RTN1: variants seen among roughly 807,000 people sequenced by gnomAD.
The protein encoded by RTN1 is reticulon-1.
In RTN1, 25 loss-of-function variants were observed where a neutral mutation model predicts 65.5. The ratio of observed to expected loss-of-function variants is 0.38; its 90% confidence interval spans 0.28 to 0.53. The LOEUF is 0.53. Among genes scored for constraint, RTN1 ranks in the 20% least tolerant of loss-of-function variants. The probability of loss-of-function intolerance (pLI) is 0.79; values close to 1 mark genes in which losing one functional copy is unlikely to be tolerated. For missense variants in RTN1, 983 were observed against 1,025.4 expected (o/e 0.96, Z 0.57); for synonymous variants, 471 against 447.6 (o/e 1.05, Z -0.66).
At chr14:59,745,528 A>G (rs1051553933) in intron 2 of RTN1, among the ~76,000 whole-genome samples, 180 bp downstream of exon 2, 1 of 152,224 alleles carries the variant, frequency 6.6e-6, no homozygotes, top group African/African-American at 2.4e-5. Flanking sequence ...CAACCTTTGT[A>G]CAATCAGCAA....
Position 59,683,686 on chromosome 14 carries a change from T to C in RTN1, c.1765+43233A>G, listed in dbSNP as rs77576421. ...TAGAGTATTTAGTATTCTATCTCCA[T>C]AGTAGGTCCCTTGAAGGGCTTCTTT... is the stretch of plus-strand genomic sequence containing the variant. On this transcript the variant is annotated intron_variant, in intron 3 of 8. Coordinates refer to ENST00000267484, the MANE Select transcript of RTN1 (RefSeq NM_021136.3). Among the ~76,000 whole-genome samples the C allele has an allele frequency of 3.2e-3, 481 of 152,262 alleles. 3 individuals are homozygous for C. Among genetic ancestry groups the C allele is most frequent in the African/African-American group, 0.011 (465 of 41,582 alleles).
At chr14:59,692,938 T>C (rs1328003818) in intron 3 of RTN1, among the ~76,000 whole-genome samples, 3 of 152,218 alleles carry the variant, frequency 2.0e-5, no homozygotes, top group Non-Finnish European at 4.4e-5. Flanking sequence ...AATTAGGTAT[T>C]TGCTACCAGC....
intron 1 of RTN1, among the ~76,000 whole-genome samples, chr14:59,784,694 T>C (rs1019871550): frequency 6.6e-6 from 1 of 152,220 alleles, no homozygotes; most frequent in African/African-American, 2.4e-5. Flanking sequence ...TTTTGTGAAA[T>C]ATGTTTTCTC....
intron 1 of RTN1, among the ~76,000 whole-genome samples, chr14:59,819,411 ACC>A (rs1886887852): frequency 8.6e-4 from 11 of 12,722 alleles, no homozygotes; most frequent in Admixed American, 1.4e-3. Flanking sequence ...CCACACCACC[ACC>A]ACCCCCCCCC....
chr14:59,795,023 C>T (rs1886414762), intron 1 of RTN1, among the ~76,000 whole-genome samples: 1 of 152,156 alleles, frequency 6.6e-6, no homozygotes, highest in African/African-American at 2.4e-5. Context: ...AAGTCATTTC[C>T]ATGTGTTCTT....
intron 3 of RTN1, among the ~76,000 whole-genome samples, chr14:59,660,270 G>A (rs1238287580): frequency 6.6e-6 from 1 of 152,156 alleles, no homozygotes; most frequent in African/African-American, 2.4e-5. Flanking sequence ...AAGAGACTTA[G>A]ACTCCCACAC....
intron 3 of RTN1, among the ~76,000 whole-genome samples, chr14:59,715,796 A>G (rs921005483): frequency 2.4e-4 from 37 of 151,410 alleles, no homozygotes; most frequent in African/African-American, 9.0e-4. Context: ...ACTGCACTCC[A>G]GCCTGGGCAA....
intron 1 of RTN1, among the ~76,000 whole-genome samples, chr14:59,806,910 T>C (rs1234329744): frequency 1.3e-5 from 2 of 152,190 alleles, no homozygotes; most frequent in African/African-American, 4.8e-5. Flanking sequence ...CTATTGCAAA[T>C]AGTAAAACAA....
chr14:59,861,254 T>A (rs1191412822), intron 1 of RTN1, among the ~76,000 whole-genome samples: 1 of 152,102 alleles, frequency 6.6e-6, no homozygotes, highest in Non-Finnish European at 1.5e-5. Flanking sequence ...AGTGAATAAG[T>A]CTCACAAGAT....
rs528130619 is a variant in RTN1 at position 59,603,678 on chromosome 14, T to C, written c.2182+174A>G. The C allele has an allele frequency of 5.6e-5, 23 of 410,584 alleles. No homozygotes were observed. In the South Asian group the frequency reaches 6.5e-4, roughly 12 times the overall value. 25.4% of individuals were successfully genotyped at this position (410,584 alleles called of 1,614,324 possible). ...TTAGGAATTCATTATTAGTGTATAA[T>C]ATATATTATACTCTTTAATTGAACT... On this transcript the variant is annotated intron_variant, in intron 6 of 8. Transcript: ENST00000267484.
rs76988931 is a variant in RTN1 at position 59,787,271 on chromosome 14, G to T, written c.242-40790C>A. On this transcript the variant is annotated intron_variant, in intron 1 of 8. Coordinates refer to ENST00000267484, the MANE Select transcript of RTN1 (RefSeq NM_021136.3). ...CAGCTGTCAAAAGCCCTCCTGCTGC[G>T]GTGGGGGCTCACTAGGGCTTGAATC... 6.4e-4 allele frequency among the ~76,000 whole-genome samples: 98 copies of T among 152,242 alleles called. No individual in the cohort carries two copies. The East Asian group carries it at 0.017, about 26-fold the overall frequency.
intron 1 of RTN1, among the ~76,000 whole-genome samples, chr14:59,841,581 C>T (rs2139652438): frequency 6.6e-6 from 1 of 151,958 alleles, no homozygotes; most frequent in South Asian, 2.1e-4. Context: ...GTGGCATAAG[C>T]CTGTAATCCC....
intron 3 of RTN1, among the ~76,000 whole-genome samples, chr14:59,649,942 T>C (rs7150293): frequency 0.44 from 67,409 of 152,072 alleles, 16,406 homozygotes; most frequent in African/African-American, 0.64. Context: ...CATAAAGACA[T>C]ATGCACATGT....
At chr14:59,867,532 T>C (rs896671968) in intron 1 of RTN1, among the ~76,000 whole-genome samples, 4 of 152,220 alleles carry the variant, frequency 2.6e-5, no homozygotes, top group African/African-American at 9.6e-5. Context: ...AGAGGATTGA[T>C]GGAGTTTTAT....
chr14:59,852,908 T>C (rs1887534502), intron 1 of RTN1, among the ~76,000 whole-genome samples: 1 of 152,252 alleles, frequency 6.6e-6, no homozygotes, highest in African/African-American at 2.4e-5. Context: ...ATATTCTTAG[T>C]ATGTATTTGT....
intron 3 of RTN1, among the ~76,000 whole-genome samples, chr14:59,662,767 G>A (rs978244695): frequency 6.6e-6 from 1 of 152,106 alleles, no homozygotes; most frequent in African/African-American, 2.4e-5. Context: ...AAATAAGAGA[G>A]GACACATACA....
At chr14:59,841,205 T>C (rs1052390997) in intron 1 of RTN1, among the ~76,000 whole-genome samples, 10 of 151,930 alleles carry the variant, frequency 6.6e-5, no homozygotes, top group African/African-American at 2.4e-4. Context: ...AAAAAGACAA[T>C]AGATGAAGTA....
chr14:59,726,039 A>T (rs1160370352), intron 3 of RTN1, among the ~76,000 whole-genome samples: 1 of 152,200 alleles, frequency 6.6e-6, no homozygotes, highest in African/African-American at 2.4e-5. Context: ...ACAGGGTAGA[A>T]GTTCTCTAAC....
chr14:59,637,512 G>C (rs1295736314), intron 3 of RTN1, among the ~76,000 whole-genome samples: 1 of 152,052 alleles, frequency 6.6e-6, no homozygotes, highest in Non-Finnish European at 1.5e-5. Flanking sequence ...AAGAGATCGA[G>C]ACCATCCTGG....
Sources: allele counts gnomAD v4.1 joint callset (sites outside exome capture counted in the v4.1 genomes callset), GRCh38; gene constraint gnomAD v4.1.1; transcripts MANE v1.5; gene names NCBI Gene and HGNC (gene_info 2026-07-23, HGNC 2026-07-21).